UVRAG: variants seen among roughly 807,000 people sequenced by gnomAD.
UVRAG encodes UV radiation resistance associated, also known as UV radiation resistance-associated gene protein.
UVRAG carries 19 observed loss-of-function variants against 78.0 expected under a neutral mutation model. The observed-to-expected ratio is 0.24, with a 90% CI of 0.17 to 0.36. The LOEUF (loss-of-function observed/expected upper bound fraction) is 0.36. UVRAG is among the 10% of genes least tolerant of loss of function. UVRAG has a pLI of 1.00. For missense variants in UVRAG, 740 were observed against 853.8 expected (o/e 0.87, Z 1.66); for synonymous variants, 323 against 324.6 (o/e 1.00, Z 0.05).
chr11:76,007,481 A>AAAGCATGC, intron 9 of UVRAG, 53 bp from the exon 10 acceptor site: 1 of 1,368,588 alleles, frequency 7.3e-7, no homozygotes, highest in Non-Finnish European at 1.0e-6. Flanking sequence ...TAAATGTTAC[A>AAAGCATGC]AAGCATGCAA....
chr11:76,088,646 C>T (rs1565155829), intron 13 of UVRAG, among the ~76,000 whole-genome samples: 1 of 152,122 alleles, frequency 6.6e-6, no homozygotes, highest in Admixed American at 6.5e-5. Flanking sequence ...AGCTGAACAT[C>T]ACTGAAAGGC....
At chr11:75,887,634 A>G (rs1947113264) in intron 4 of UVRAG, among the ~76,000 whole-genome samples, 1 of 151,222 alleles carries the variant, frequency 6.6e-6, no homozygotes, top group Admixed American at 6.6e-5. Flanking sequence ...TTTTTAGTAG[A>G]GACGGGGTTT....
At chr11:76,016,491 A>C (rs1383061703) in intron 11 of UVRAG, among the ~76,000 whole-genome samples, 2 of 152,162 alleles carry the variant, frequency 1.3e-5, no homozygotes, top group South Asian at 2.1e-4. Flanking sequence ...TAATAGACTC[A>C]AGTATTAATT....
intron 6 of UVRAG, among the ~76,000 whole-genome samples, chr11:75,913,145 A>C (rs536407290): frequency 6.6e-6 from 1 of 152,358 alleles, no homozygotes; most frequent in Non-Finnish European, 1.5e-5. Context: ...AAATATGAGT[A>C]AGCCACTAAT....
intron 13 of UVRAG, among the ~76,000 whole-genome samples, chr11:76,095,869 T>G (rs1951777803): frequency 1.5e-5 from 1 of 66,454 alleles, no homozygotes; most frequent in African/African-American, 7.8e-5. Flanking sequence ...AGACTCTGTC[T>G]CAAAAAAAAA....
At chr11:76,007,758 A>C in intron 10 of UVRAG, 137 bp downstream of exon 10, 1 of 675,324 alleles carries the variant, frequency 1.5e-6, no homozygotes, top group Non-Finnish European at 2.5e-6. Context: ...GCTAATGTCT[A>C]TTTAAAACAT....
At chr11:76,125,925 A>G (rs1051271193) in intron 14 of UVRAG, among the ~76,000 whole-genome samples, 2 of 151,686 alleles carry the variant, frequency 1.3e-5, no homozygotes, top group African/African-American at 2.4e-5. Flanking sequence ...AGCCATACAT[A>G]TAAATTTAAA....
chr11:76,014,060 GTT>G (rs1272131590), intron 11 of UVRAG, among the ~76,000 whole-genome samples: 1 of 152,086 alleles, frequency 6.6e-6, no homozygotes, highest in African/African-American at 2.4e-5. Flanking sequence ...ATTTCTTTTT[GTT>G]TTATTTCTGT....
intron 7 of UVRAG, among the ~76,000 whole-genome samples, chr11:75,978,255 T>C (rs1426321071): frequency 6.6e-6 from 1 of 152,220 alleles, no homozygotes. Context: ...TCTGATGGGC[T>C]TCCCTTTGTG....
chr11:76,035,248 T>C (rs945568301), intron 12 of UVRAG, among the ~76,000 whole-genome samples: 4 of 152,196 alleles, frequency 2.6e-5, no homozygotes, highest in Admixed American at 2.0e-4. Flanking sequence ...GTGAGAGATA[T>C]AAGAATTTTG....
chr11:76,011,038 G>A (rs568914859), intron 11 of UVRAG, among the ~76,000 whole-genome samples: 30 of 152,268 alleles, frequency 2.0e-4, no homozygotes, highest in African/African-American at 7.0e-4. Flanking sequence ...GTGGTGGTCT[G>A]ATTACTCTGA....
intron 7 of UVRAG, among the ~76,000 whole-genome samples, chr11:75,974,351 CTTTTTTTTTTTTTT>C (rs1188190094): frequency 1.6e-4 from 13 of 83,712 alleles, no homozygotes; most frequent in Admixed American, 5.8e-4. Flanking sequence ...TAAATGTCTT[CTTTTTTTTTTTTTT>C]TTTTTTTTTT....
intron 6 of UVRAG, among the ~76,000 whole-genome samples, chr11:75,916,977 A>G (rs893941771): frequency 7.9e-5 from 12 of 152,238 alleles, no homozygotes; most frequent in African/African-American, 2.7e-4. Flanking sequence ...GATGTTATCT[A>G]TAGGAGCAAT....
At chr11:76,075,762 A>G (rs150904011) in intron 13 of UVRAG, among the ~76,000 whole-genome samples, 159 of 152,288 alleles carry the variant, frequency 1.0e-3, no homozygotes, top group African/African-American at 3.7e-3. Context: ...CAGGTTCCCC[A>G]TCCCTGGGCA....
intron 6 of UVRAG, among the ~76,000 whole-genome samples, chr11:75,951,728 T>C (rs7931418): frequency 0.065 from 9,880 of 152,254 alleles, 446 homozygotes; most frequent in African/African-American, 0.13. Flanking sequence ...GTGTAACTAC[T>C]GCTGCCTTAC....
At chr11:75,998,234 A>G (rs1481044803) in intron 8 of UVRAG, among the ~76,000 whole-genome samples, 2 of 152,194 alleles carry the variant, frequency 1.3e-5, no homozygotes, top group East Asian at 3.8e-4. Flanking sequence ...ATGGAAATAA[A>G]TCTCATAGCT....
intron 13 of UVRAG, among the ~76,000 whole-genome samples, chr11:76,083,184 C>T (rs960198703): frequency 6.6e-6 from 1 of 152,158 alleles, no homozygotes; most frequent in Admixed American, 6.5e-5. Flanking sequence ...TCCTAGTCTT[C>T]ACAATAACCT....
rs1946307760 is a variant in UVRAG at position 75,857,106 on chromosome 11, A to T, written c.236-4640A>T. ...CAGTCATCTTTTAACTACATTGTTG[A>T]AGTAGACGTTTAACAGGTTTGTCTG... On this transcript the variant is annotated intron_variant, in intron 2 of 14. Transcript: ENST00000356136. Among the ~76,000 whole-genome samples the T allele has an allele frequency of 2.6e-5, 4 of 152,326 alleles. No homozygotes were observed. The South Asian group carries it at 8.3e-4, about 32-fold the overall frequency.
intron 5 of UVRAG, among the ~76,000 whole-genome samples, chr11:75,901,204 CTG>C (rs1357285092): frequency 1.3e-5 from 2 of 152,182 alleles, no homozygotes; most frequent in Non-Finnish European, 2.9e-5. Context: ...CAAACAAACA[CTG>C]TATTTTTAAA....
Sources: allele counts gnomAD v4.1 joint callset (sites outside exome capture counted in the v4.1 genomes callset), GRCh38; gene constraint gnomAD v4.1.1; transcripts MANE v1.5; gene names NCBI Gene and HGNC (gene_info 2026-07-23, HGNC 2026-07-21).